Variants in GSKIP observed in about 807,000 individuals in gnomAD.
GSKIP encodes GSK3B interacting protein.
In GSKIP, 5 loss-of-function variants were observed where a neutral mutation model predicts 11.9. That is an observed-to-expected ratio of 0.42 (90% CI 0.22 to 0.89). GSKIP has a LOEUF of 0.89. Ranked by LOEUF, GSKIP falls within the 40% of genes least tolerant of loss-of-function variation. The pLI, the probability that GSKIP is intolerant of heterozygous loss-of-function variation, is 0.29. For missense variants in GSKIP, 150 were observed against 166.6 expected (o/e 0.90, Z 0.55); for synonymous variants, 70 against 62.9 (o/e 1.11, Z -0.54).
At chr14:96,370,174 CTT>C (rs1470602939) in intron 1 of GSKIP, among the ~76,000 whole-genome samples, 2 of 152,200 alleles carry the variant, frequency 1.3e-5, no homozygotes, top group African/African-American at 4.8e-5. Flanking sequence ...TATCCAATGA[CTT>C]TTCCGTCATT....
At chr14:96,379,590 A>G (rs147719062) in intron 1 of GSKIP, 98 bp from the exon 2 acceptor site, 2 of 152,366 alleles carry the variant, frequency 1.3e-5, no homozygotes, top group East Asian at 3.9e-4. Context: ...ATTTATATGT[A>G]TCATCAAAAG....
rs1280730915 is a variant in GSKIP at position 96,385,522 on chromosome 14, G to C, written c.259-1G>C. The C allele has an allele frequency of 6.2e-7, 1 of 1,604,046 alleles. No individual in the cohort carries two copies. The highest frequency in any genetic ancestry group is 8.5e-7 in the Non-Finnish European group (1 of 1,176,308). On this transcript the variant is annotated splice_acceptor_variant, in intron 3 of 3. Transcript: ENST00000555181. LOFTEE classifies it high-confidence loss of function. ...AATTCACTGTTGCATTTCTCTTGTA[G>C]GTGGTAGGCTATGCTTTTGACCAGG...
intron 3 of GSKIP, chr14:96,384,776 A>C (rs982474934): frequency 2.6e-5 from 4 of 151,936 alleles, no homozygotes; most frequent in Non-Finnish European, 5.9e-5. Context: ...TCACACATCG[A>C]CCTGGTATTG....
chr14:96,384,651 C>G (rs893055555), intron 3 of GSKIP: 3 of 149,874 alleles, frequency 2.0e-5, no homozygotes, highest in Non-Finnish European at 4.4e-5. Flanking sequence ...TGCCTAAGAT[C>G]AATTGGAGTA....
At chr14:96,363,786 C>T (rs912698870) in intron 1 of GSKIP, 4 of 152,400 alleles carry the variant, frequency 2.6e-5, no homozygotes, top group African/African-American at 9.6e-5. Flanking sequence ...CCCCTCAGAC[C>T]TCGGCGCCCC....
intron 1 of GSKIP, among the ~76,000 whole-genome samples, chr14:96,368,184 CT>C (rs398057422): frequency 9.5e-4 from 127 of 133,424 alleles, no homozygotes; most frequent in South Asian, 1.9e-3. Flanking sequence ...TATTGCTACT[CT>C]TTTTTTTTTT....
rs1889298286 is a variant in GSKIP at position 96,379,797 on chromosome 14, T to C, written c.-2+9T>C. The stretch of plus-strand genomic sequence containing the variant: ...CTTTCTGCATCATCAAGGTCCTAAT[T>C]GCAATGAATTACACTCTTGCTTAAA... On this transcript the variant is annotated intron_variant, in intron 2 of 3. Transcript: ENST00000555181. 6.6e-6 allele frequency: 1 copy of C among 152,194 alleles called. No individual in the cohort carries two copies. Among genetic ancestry groups the C allele is most frequent in the Non-Finnish European group, 1.5e-5 (1 of 68,030 alleles). 9.4% of individuals were successfully genotyped at this position (152,194 alleles called of 1,614,324 possible).
At chr14:96,376,670 T>G (rs1165188783) in intron 1 of GSKIP, among the ~76,000 whole-genome samples, 1 of 152,212 alleles carries the variant, frequency 6.6e-6, no homozygotes, top group African/African-American at 2.4e-5. Context: ...CACTCACAAT[T>G]AAGTACATTT....
rs1407154131 is a variant in GSKIP at position 96,386,795 on chromosome 14, CTG to C, written c.*1113_*1114del. 1 of 152,596 alleles carries C rather than the reference CTG, an allele frequency of 6.6e-6. No individual in the cohort carries two copies. The highest frequency in any genetic ancestry group is 1.5e-5 in the Non-Finnish European group (1 of 68,028). 9.5% of individuals were successfully genotyped at this position (152,596 alleles called of 1,614,324 possible). ...TACTGATATTTATAAATTTAATAAA[CTG>C]TACCATGCTGCTGCATGTTTTCAAG... On this transcript the variant is annotated 3_prime_UTR_variant, in exon 4 of 4. Coordinates refer to ENST00000555181, the MANE Select transcript of GSKIP (RefSeq NM_016472.5).
chr14:96,384,612 AAAG>A (rs1889438710), intron 3 of GSKIP: 1 of 152,076 alleles, frequency 6.6e-6, no homozygotes, highest in African/African-American at 2.4e-5. Flanking sequence ...AAAAAAAAAA[AAAG>A]AAAAACACAT....
rs56781166 is a variant in GSKIP at position 96,366,365 on chromosome 14, G to A, written c.-103+2797G>A. On this transcript the variant is annotated intron_variant, in intron 1 of 3. Coordinates refer to ENST00000555181, the MANE Select transcript of GSKIP (RefSeq NM_016472.5). ...TATCAGAAAGGAAAATTAAAACGAC[G>A]GTTTTGCAATAACAAATATGCTCTA... is the stretch of plus-strand genomic sequence containing the variant. 5.6e-3 allele frequency among the ~76,000 whole-genome samples: 853 copies of A among 152,276 alleles called. 10 individuals carry two copies. The highest frequency in any genetic ancestry group is 0.02 in the African/African-American group (835 of 41,548).
chr14:96,370,234 A>T (rs1359194314), intron 1 of GSKIP, among the ~76,000 whole-genome samples: 1 of 152,224 alleles, frequency 6.6e-6, no homozygotes, highest in African/African-American at 2.4e-5. Flanking sequence ...ACAAGCTTAT[A>T]GCTGCAAGGA....
intron 1 of GSKIP, among the ~76,000 whole-genome samples, chr14:96,370,922 G>A (rs1889030435): frequency 6.6e-6 from 1 of 152,166 alleles, no homozygotes; most frequent in Non-Finnish European, 1.5e-5. Flanking sequence ...AAATATGTCT[G>A]TGTTATTGCT....
intron 1 of GSKIP, among the ~76,000 whole-genome samples, chr14:96,372,772 T>C (rs1026819032): frequency 7.2e-5 from 11 of 152,220 alleles, no homozygotes; most frequent in African/African-American, 2.4e-4. Context: ...GACATAGAGC[T>C]GGAAACCCAA....
chr14:96,381,235 T>C (rs1308614827), intron 2 of GSKIP, among the ~76,000 whole-genome samples: 1 of 152,152 alleles, frequency 6.6e-6, no homozygotes, highest in Non-Finnish European at 1.5e-5. Flanking sequence ...GAAGAAAAGC[T>C]AAAACCACAT....
chr14:96,378,444 A>C (rs905505151), intron 1 of GSKIP, among the ~76,000 whole-genome samples: 16 of 152,266 alleles, frequency 1.1e-4, no homozygotes, highest in Non-Finnish European at 1.8e-4. Context: ...GATGGCCTCT[A>C]GAAGTGAGAA....
intron 2 of GSKIP, among the ~76,000 whole-genome samples, chr14:96,380,789 G>C (rs1040865228): frequency 6.6e-6 from 1 of 152,288 alleles, no homozygotes; most frequent in South Asian, 2.1e-4. Context: ...TTGAGCTCAG[G>C]AGTTCTAGGC....
chr14:96,382,941 CAG>C (rs1889389735), intron 3 of GSKIP, among the ~76,000 whole-genome samples: 2 of 152,086 alleles, frequency 1.3e-5, no homozygotes, highest in African/African-American at 4.8e-5. Context: ...AGAAATAAAT[CAG>C]AGCAGAACAT....
At chr14:96,380,478 T>G (rs1889315507) in intron 2 of GSKIP, among the ~76,000 whole-genome samples, 1 of 152,220 alleles carries the variant, frequency 6.6e-6, no homozygotes, top group Admixed American at 6.5e-5. Context: ...TAACTCGTCT[T>G]CCAGAGATTT....
Sources: gnomAD v4.1 joint callset for allele counts (sites outside exome capture counted in the v4.1 genomes callset) on GRCh38, gnomAD v4.1.1 for gene constraint, MANE v1.5 for transcripts, NCBI Gene and HGNC (gene_info 2026-07-23, HGNC 2026-07-21) for gene names.